The following RPAP2 variants were observed in gnomAD, a reference collection of about 807,000 sequenced individuals.
The protein encoded by RPAP2 is putative RNA polymerase II subunit B1 CTD phosphatase RPAP2.
RPAP2 carries 52 observed loss-of-function variants against 73.1 expected under a neutral mutation model. The observed-to-expected ratio is 0.71, with a 90% CI of 0.57 to 0.90. RPAP2 has a LOEUF of 0.90. Ranked by LOEUF, RPAP2 falls within the 40% of genes least tolerant of loss-of-function variation. The pLI, the probability that RPAP2 is intolerant of heterozygous loss-of-function variation, is 0.00. For synonymous variants in RPAP2, 225 were observed against 242.1 expected, an observed-to-expected ratio of 0.93 and a Z score of 0.65; for missense variants, 598 against 701.8, an observed-to-expected ratio of 0.85 and a Z score of 1.67.
intron 5 of RPAP2, among the ~76,000 whole-genome samples, chr1:92,306,468 C>G (rs529213742): frequency 6.6e-6 from 1 of 152,252 alleles, no homozygotes; most frequent in East Asian, 1.9e-4. Flanking sequence ...ACTCAATTGT[C>G]TATAAATGGT....
At chr1:92,304,381 A>AT in intron 5 of RPAP2, 32 bp downstream of exon 5, 15 of 1,311,032 alleles carry the variant, frequency 1.1e-5, no homozygotes, top group East Asian at 4.9e-5. Context: ...GTGGCAATTA[A>AT]TTTTTTTTCT....
Position 92,380,886 on chromosome 1 carries a change from G to T in RPAP2, c.1838+13G>T. 2 of 1,538,076 alleles carry T rather than the reference G, an allele frequency of 1.3e-6. No individual in the cohort carries two copies. The highest frequency in any genetic ancestry group is 2.4e-5 in the East Asian group (1 of 41,194). ...GTTTACCAGAGTGGTAAGTTGGATT[G>T]TGTTTTATTTTGGTTTTTATTCTTC... On this transcript the variant is annotated intron_variant, in intron 12 of 12. Transcript: ENST00000610020.
intron 10 of RPAP2, among the ~76,000 whole-genome samples, chr1:92,341,238 A>C (rs1653575824): frequency 6.6e-6 from 1 of 152,112 alleles, no homozygotes. Flanking sequence ...CGAACTCCTG[A>C]GCCCAAGCAA....
At chr1:92,369,072 T>C (rs1043884580) in intron 11 of RPAP2, among the ~76,000 whole-genome samples, 26 of 152,320 alleles carry the variant, frequency 1.7e-4, no homozygotes, top group African/African-American at 5.8e-4. Context: ...GTGTCACCTT[T>C]TGAGGTTTTT....
intron 5 of RPAP2, 67 bp from the exon 6 acceptor site, chr1:92,307,121 A>C (rs1651295221): frequency 1.9e-6 from 2 of 1,041,284 alleles, no homozygotes; most frequent in Middle Eastern, 2.1e-4. Context: ...TATGTTTTAT[A>C]CTCTCAACTG....
At chr1:92,300,271 A>C in intron 2 of RPAP2, 32 bp downstream of exon 2, 1 of 1,534,948 alleles carries the variant, frequency 6.5e-7, no homozygotes, top group Non-Finnish European at 9.0e-7. Context: ...CTACATTGGC[A>C]TATCTACTTA....
chr1:92,333,935 TGCACTTTA>T (rs980137273), intron 9 of RPAP2, among the ~76,000 whole-genome samples: 3 of 152,266 alleles, frequency 2.0e-5, no homozygotes, highest in African/African-American at 7.2e-5. Context: ...AACTCAACGT[TGCACTTTA>T]GCTTTAAACT....
At chr1:92,326,730 A>AG (rs1190612534) in intron 8 of RPAP2, among the ~76,000 whole-genome samples, 1 of 152,184 alleles carries the variant, frequency 6.6e-6, no homozygotes, top group African/African-American at 2.4e-5. Flanking sequence ...TTGTCAGGGA[A>AG]GTGGGGGAAA....
rs781126526 is a variant in RPAP2, at chr1:92,336,391, T to C, written c.1583T>C (p.Ile528Thr). The C allele has an allele frequency of 6.2e-7, 1 of 1,610,626 alleles. No individual in the cohort carries two copies. Among genetic ancestry groups the C allele is most frequent in the Admixed American group, 1.7e-5 (1 of 59,926 alleles). Residue 528 changes from isoleucine (I) to threonine (T), a missense_variant, in exon 10 of 13, where the codon ATT becomes ACT. Ile to Thr is a moderately conservative substitution (Grantham distance 89). This residue lies in a region of RPAP2 where 506 missense variants were observed against 612.8 expected (regional missense o/e 0.83). Transcript: ENST00000610020. Reference sequence around the variant, plus strand: ...CCTCTTCAGATTACATTGGGAGATATTTACACACAACTTAAAAATCTTGTT... The same window carrying C: ...CCTCTTCAGATTACATTGGGAGATACTTACACACAACTTAAAAATCTTGTT... ...LVPLQITLGD[I>T]YTQLKNLVRT...
At chr1:92,371,533 T>A (rs988197934) in intron 11 of RPAP2, among the ~76,000 whole-genome samples, 1 of 151,636 alleles carries the variant, frequency 6.6e-6, no homozygotes, top group African/African-American at 2.4e-5. Flanking sequence ...AGCCGAAGTG[T>A]CCATCAACAG....
intron 10 of RPAP2, among the ~76,000 whole-genome samples, chr1:92,338,294 A>C (rs1179352395): frequency 6.6e-6 from 1 of 152,230 alleles, no homozygotes; most frequent in Non-Finnish European, 1.5e-5. Flanking sequence ...GATCACTCAC[A>C]AGTTCAGGGA....
At chr1:92,375,281 T>C (rs1263870698) in intron 11 of RPAP2, among the ~76,000 whole-genome samples, 3 of 152,224 alleles carry the variant, frequency 2.0e-5, no homozygotes, top group African/African-American at 4.8e-5. Context: ...TTTATTCATG[T>C]ATACATCGCC....
In RPAP2 at chr1:92,320,594, T is replaced by C. The variant is rs766781406; in HGVS notation, c.489-5T>C. On this transcript the variant is annotated splice_region_variant and splice_polypyrimidine_tract_variant and intron_variant, in intron 6 of 12. Coordinates refer to ENST00000610020, the MANE Select transcript of RPAP2 (RefSeq NM_024813.3). ...CTAATTTTTATTTCTGTGTTCTTAT[T>C]ACAGGCATCCTGATTTTCAACTGCT... 6.2e-7 allele frequency: 1 copy of C among 1,610,894 alleles called. No individual in the cohort carries two copies. Among genetic ancestry groups the C allele is most frequent in the Non-Finnish European group, 8.5e-7 (1 of 1,177,560 alleles).
At chr1:92,300,034 A>G (rs1400609672) in intron 1 of RPAP2, among the ~76,000 whole-genome samples, 160 bp from the exon 2 acceptor site, 2 of 152,248 alleles carry the variant, frequency 1.3e-5, no homozygotes, top group Non-Finnish European at 2.9e-5. Context: ...AAACCTGCAC[A>G]GCATGTTACT....
intron 8 of RPAP2, among the ~76,000 whole-genome samples, chr1:92,324,657 C>T (rs955243893): frequency 1.3e-5 from 2 of 152,140 alleles, no homozygotes; most frequent in Non-Finnish European, 2.9e-5. Flanking sequence ...CCTAATTCTT[C>T]ATACAATAAA....
intron 9 of RPAP2, among the ~76,000 whole-genome samples, chr1:92,335,469 T>C (rs182554356): frequency 1.6e-4 from 25 of 152,274 alleles, no homozygotes; most frequent in Non-Finnish European, 3.2e-4. Flanking sequence ...AAATTACCTG[T>C]AATCCCACCA....
intron 11 of RPAP2, among the ~76,000 whole-genome samples, chr1:92,348,004 G>A (rs1253541062): frequency 6.6e-6 from 1 of 152,058 alleles, no homozygotes; most frequent in African/African-American, 2.4e-5. Context: ...CTGCCTCCCG[G>A]GTTCAACCAA....
chr1:92,363,793 A>G (rs557544826), intron 11 of RPAP2: 4 of 285,222 alleles, frequency 1.4e-5, no homozygotes, highest in African/African-American at 6.7e-5. Flanking sequence ...TCTCTTCTTT[A>G]TGATTTGCTT....
chr1:92,363,063 AG>A (rs903669783), intron 11 of RPAP2, among the ~76,000 whole-genome samples: 7 of 152,138 alleles, frequency 4.6e-5, no homozygotes, highest in African/African-American at 1.7e-4. Flanking sequence ...CTCCTTCTCC[AG>A]GGGGAAAAAA....
Sources: gnomAD v4.1 joint callset for allele counts (sites outside exome capture counted in the v4.1 genomes callset) on GRCh38, gnomAD v4.1.1 for gene constraint, gnomAD v4.1.1 regional missense constraint, MANE v1.5 for transcripts, NCBI Gene and HGNC (gene_info 2026-07-23, HGNC 2026-07-21) for gene names.